Variants in PCBP3 observed in about 807,000 individuals in gnomAD.
PCBP3 encodes poly(rC)-binding protein 3.
Under a neutral mutation model 52.7 loss-of-function variants are expected in PCBP3, and 25 were observed. The observed-to-expected ratio is 0.47, with a 90% CI of 0.35 to 0.66. PCBP3 has a LOEUF of 0.66. PCBP3 is among the 30% of genes least tolerant of loss of function. PCBP3 has a pLI of 0.01. For synonymous variants in PCBP3, 162 were observed against 183.0 expected, an observed-to-expected ratio of 0.89 and a Z score of 0.93; for missense variants, 391 against 490.3, an observed-to-expected ratio of 0.80 and a Z score of 1.91.
At position 45,896,240 on chromosome 21, in the gene PCBP3, C is replaced by T. The variant is rs1162408402; in HGVS notation, c.43C>T (p.His15Tyr). ...DAFWAPSVLP[H>Y]STLSTLSHHP... The stretch of plus-strand genomic sequence containing the variant: ...CTTCTGGGCCCCATCTGTCCTTCCT[C>T]ACAGCACCCTCAGCACCTTAAGCCA... The change falls in exon 6 of 18, where the codon CAC becomes TAC. Residue 15 changes from histidine (H) to tyrosine (Y), a missense_variant. Transcript: ENST00000681687. 9 of 1,552,018 alleles carry T rather than the reference C, an allele frequency of 5.8e-6. No homozygotes were observed. Among genetic ancestry groups the T allele is most frequent in the Admixed American group, 2.0e-5 (1 of 51,000 alleles).
In PCBP3 at chr21:45,802,710, A is replaced by G. The variant is rs1229455782; in HGVS notation, c.-125-47251A>G. On this transcript the variant is annotated intron_variant, in intron 4 of 17. Coordinates refer to ENST00000681687, the MANE Select transcript of PCBP3 (RefSeq NM_001384156.1). The surrounding 1 kb of genome is among the most constrained non-coding windows in gnomAD (Gnocchi z 5.1). Reference sequence around the variant, plus strand: ...GGGGAGGAGAGGCCCTGAGGGAGGCAGGAGCAGGAGGGGCATCGTGTCCCC... The same window carrying G: ...GGGGAGGAGAGGCCCTGAGGGAGGCGGGAGCAGGAGGGGCATCGTGTCCCC... Among the ~76,000 whole-genome samples, 1 of 152,112 alleles carries G rather than the reference A, an allele frequency of 6.6e-6. No homozygotes were observed.
At chr21:45,782,630 G>C (rs896335792) in intron 4 of PCBP3, among the ~76,000 whole-genome samples, 5 of 152,138 alleles carry the variant, frequency 3.3e-5, no homozygotes, top group African/African-American at 9.7e-5. Context: ...AAGACATAAA[G>C]ATCAGAGATT....
chr21:45,833,049 T>G (rs1055536988), intron 4 of PCBP3, among the ~76,000 whole-genome samples: 2 of 152,018 alleles, frequency 1.3e-5, no homozygotes, highest in African/African-American at 4.8e-5. Context: ...AAGATGAGAT[T>G]TGGGTGGAGA....
intron 4 of PCBP3, among the ~76,000 whole-genome samples, chr21:45,776,142 A>G (rs1275484213): frequency 6.6e-6 from 1 of 151,942 alleles, no homozygotes; most frequent in Non-Finnish European, 1.5e-5. Context: ...TCCTGTTGGT[A>G]TTGATTTCTG....
intron 2 of PCBP3, among the ~76,000 whole-genome samples, chr21:45,678,540 C>A (rs930066404): frequency 6.6e-6 from 1 of 151,878 alleles, no homozygotes. Flanking sequence ...TTAAGGGGTT[C>A]CATCCTTTAT....
intron 4 of PCBP3, among the ~76,000 whole-genome samples, chr21:45,758,682 T>C (rs912253880): frequency 1.3e-5 from 2 of 152,176 alleles, no homozygotes; most frequent in East Asian, 3.8e-4. Context: ...TAAACTTGTT[T>C]TGTAGCTCTA....
At chr21:45,803,900 T>C (rs1431981266) in intron 4 of PCBP3, among the ~76,000 whole-genome samples, 3 of 152,184 alleles carry the variant, frequency 2.0e-5, no homozygotes, top group African/African-American at 4.8e-5. Flanking sequence ...TCCCTTCCCA[T>C]GAATGTTGTT....
Position 45,736,292 on chromosome 21 carries a change from A to G in PCBP3, c.-162+863A>G, listed in dbSNP as rs1229602434. Among the ~76,000 whole-genome samples, 1 of 152,162 alleles carries G rather than the reference A, an allele frequency of 6.6e-6. No homozygotes were observed. The highest frequency in any genetic ancestry group is 2.4e-5 in the African/African-American group (1 of 41,418). The stretch of plus-strand genomic sequence containing the variant: ...AACTCACTCAGGTTATCTTGGTGCC[A>G]GTGGTGGGGCTGGGATTTGAGCCAA... On this transcript the variant is annotated intron_variant, in intron 3 of 17. Coordinates refer to ENST00000681687, the MANE Select transcript of PCBP3 (RefSeq NM_001384156.1). The surrounding 1 kb of genome is among the most constrained non-coding windows in gnomAD (Gnocchi z 4.6).
intron 4 of PCBP3, among the ~76,000 whole-genome samples, chr21:45,757,974 C>T (rs570230286): frequency 2.0e-5 from 3 of 152,132 alleles, no homozygotes; most frequent in Admixed American, 2.0e-4. Context: ...GCAACCTCCA[C>T]CTCCAGGGCT....
At position 45,736,475 on chromosome 21, in the gene PCBP3, G is replaced by T. The variant is rs181568122; in HGVS notation, c.-162+1046G>T. On this transcript the variant is annotated intron_variant, in intron 3 of 17. Coordinates refer to ENST00000681687, the MANE Select transcript of PCBP3 (RefSeq NM_001384156.1). This position sits in a 1 kb window ranked among gnomAD's most constrained non-coding sequence, Gnocchi z 4.6. Reference sequence around the variant, plus strand: ...GTGCATCCTGAGGAGACAGTGCTGCGGGCCCCGCCTACTAACTTCCAGAGA... The same window carrying T: ...GTGCATCCTGAGGAGACAGTGCTGCTGGCCCCGCCTACTAACTTCCAGAGA... Among the ~76,000 whole-genome samples the T allele has an allele frequency of 6.6e-6, 1 of 152,206 alleles. No individual in the cohort carries two copies. Among genetic ancestry groups the T allele is most frequent in the African/African-American group, 2.4e-5 (1 of 41,450 alleles).
intron 8 of PCBP3, 23 bp downstream of exon 8, chr21:45,900,646 T>C: frequency 2.2e-6 from 2 of 910,820 alleles, no homozygotes; most frequent in African/African-American, 1.7e-5. Context: ...GGTCCCCACC[T>C]GTCCGCAGCC....
chr21:45,928,884 G>A lies in PCBP3; in HGVS notation c.718-1033G>A, dbSNP rs572337739. Among the ~76,000 whole-genome samples, 3 of 152,260 alleles carry A rather than the reference G, an allele frequency of 2.0e-5. No homozygotes were observed. Among genetic ancestry groups the A allele is most frequent in the Admixed American group, 2.0e-4 (3 of 15,306 alleles). ...AAATGTGCCACCTCCCCTGCCTGCT[G>A]GGCAGCACCACAGAGGAGCTTTGCC... On this transcript the variant is annotated intron_variant, in intron 13 of 17. Transcript: ENST00000681687. This position sits in a 1 kb window ranked among gnomAD's most constrained non-coding sequence, Gnocchi z 4.1.
intron 2 of PCBP3, among the ~76,000 whole-genome samples, chr21:45,688,748 G>A (rs1603264780): frequency 6.6e-6 from 1 of 151,486 alleles, no homozygotes; most frequent in Non-Finnish European, 1.5e-5. Flanking sequence ...AGAAATACAG[G>A]TTAAAAATAT....
rs2083340052 is a variant in PCBP3, at chr21:45,704,726, A to G, written c.-199-30666A>G. Among the ~76,000 whole-genome samples the G allele has an allele frequency of 1.3e-5, 2 of 152,338 alleles. No individual in the cohort carries two copies. The highest frequency in any genetic ancestry group is 2.9e-5 in the Non-Finnish European group (2 of 68,026). ...TCCATAGCTTCCTGACCTCTGGAAG[A>G]ACAGAAGTTGCTGCTGGCAGAGTTC... On this transcript the variant is annotated intron_variant, in intron 2 of 17. Coordinates refer to ENST00000681687, the MANE Select transcript of PCBP3 (RefSeq NM_001384156.1). This position sits in a 1 kb window ranked among gnomAD's most constrained non-coding sequence, Gnocchi z 4.1.
chr21:45,651,278 A>G (rs1474056282), intron 1 of PCBP3, among the ~76,000 whole-genome samples: 1 of 152,198 alleles, frequency 6.6e-6, no homozygotes, highest in Non-Finnish European at 1.5e-5. Flanking sequence ...GTTCGACTCT[A>G]TTTAAGGTAA....
chr21:45,719,556 T>A (rs2148292833), intron 2 of PCBP3, among the ~76,000 whole-genome samples: 1 of 152,182 alleles, frequency 6.6e-6, no homozygotes, highest in East Asian at 1.9e-4. Context: ...TGGGGGTGAT[T>A]TTCCCCATGC....
chr21:45,671,925 T>C (rs2081198440), intron 2 of PCBP3, among the ~76,000 whole-genome samples: 1 of 152,158 alleles, frequency 6.6e-6, no homozygotes, highest in Non-Finnish European at 1.5e-5. Context: ...AACTGGTCTG[T>C]TGTCCTCCAG....
At chr21:45,709,898 A>G (rs1313524201) in intron 2 of PCBP3, among the ~76,000 whole-genome samples, 1 of 152,076 alleles carries the variant, frequency 6.6e-6, no homozygotes, top group Non-Finnish European at 1.5e-5. Context: ...GACTTTGACA[A>G]TTTTGAGGAG....
At chr21:45,922,709 G>A (rs577409156) in intron 13 of PCBP3, among the ~76,000 whole-genome samples, 6 of 152,244 alleles carry the variant, frequency 3.9e-5, no homozygotes, top group Admixed American at 6.5e-5. Flanking sequence ...AGTTTGCCAT[G>A]TAGGCGATTT....
Sources: allele counts gnomAD v4.1 joint callset (sites outside exome capture counted in the v4.1 genomes callset), GRCh38; gene constraint gnomAD v4.1.1; non-coding constraint Gnocchi (gnomAD v3.1); transcripts MANE v1.5; gene names NCBI Gene and HGNC (gene_info 2026-07-23, HGNC 2026-07-21).